ACYP2: variants seen among roughly 807,000 people sequenced by gnomAD.
ACYP2 encodes acylphosphatase 2, also known as acylphosphatase-2.
A neutral mutation model predicts 11.2 loss-of-function variants in ACYP2; 12 were observed. That is an observed-to-expected ratio of 1.08 (90% CI 0.69 to 1.74). The LOEUF (loss-of-function observed/expected upper bound fraction) is 1.74, where lower values mean the gene tolerates loss of function less well. ACYP2 is among the 40% of genes most tolerant of loss of function. ACYP2 has a pLI of 0.00. For synonymous variants in ACYP2, 43 were observed against 32.2 expected, an observed-to-expected ratio of 1.33 and a Z score of -1.13; for missense variants, 134 against 101.9, an observed-to-expected ratio of 1.31 and a Z score of -1.35.
intron 4 of ACYP2, 85 bp from the exon 1 acceptor site, chr2:54,115,530 A>G: frequency 2.0e-6 from 3 of 1,493,370 alleles, no homozygotes; most frequent in Non-Finnish European, 2.7e-6. Context: ...CAGGCCCCGC[A>G]GTCTCATTTG....
chr2:54,088,071 C>T (rs1261210573), intron 4 of ACYP2, among the ~76,000 whole-genome samples: 1 of 152,166 alleles, frequency 6.6e-6, no homozygotes, highest in Non-Finnish European at 1.5e-5. Context: ...TACATGGCCC[C>T]TGCAGCTGGG....
chr2:54,017,318 C>T (rs916556901), intron 2 of ACYP2, among the ~76,000 whole-genome samples: 4 of 145,712 alleles, frequency 2.7e-5, no homozygotes, highest in Admixed American at 7.0e-5. Context: ...TGCAGTGGCA[C>T]CATCTCAGTT....
chr2:54,096,099 G>T (rs1678552530), intron 4 of ACYP2, among the ~76,000 whole-genome samples: 1 of 138,206 alleles, frequency 7.2e-6, no homozygotes, highest in Non-Finnish European at 1.6e-5. Context: ...GGGCGGAGAC[G>T]CTCCTCACTT....
At chr2:54,115,190 CTTCA>C (rs1679679481) in intron 4 of ACYP2, among the ~76,000 whole-genome samples, 1 of 152,078 alleles carries the variant, frequency 6.6e-6, no homozygotes, top group Non-Finnish European at 1.5e-5. Context: ...TAAATGTTCT[CTTCA>C]TTAAAAAATG....
At chr2:54,263,539 G>T (rs573674543) in intron 6 of ACYP2, among the ~76,000 whole-genome samples, 2 of 152,132 alleles carry the variant, frequency 1.3e-5, no homozygotes, top group Admixed American at 6.5e-5. Flanking sequence ...TGGGAGGATC[G>T]CTTGAGCCCA....
At chr2:54,286,925 C>T (rs926822943) in intron 6 of ACYP2, among the ~76,000 whole-genome samples, 4 of 151,946 alleles carry the variant, frequency 2.6e-5, no homozygotes, top group Non-Finnish European at 4.4e-5. Flanking sequence ...TAAAAAGCTC[C>T]GTAAGTATTT....
intron 4 of ACYP2, among the ~76,000 whole-genome samples, chr2:54,090,310 T>G (rs1401324793): frequency 6.6e-6 from 1 of 151,960 alleles, no homozygotes; most frequent in African/African-American, 2.4e-5. Flanking sequence ...TCTTTTGCCA[T>G]GAAACTGGGC....
chr2:54,137,505 C>T (rs1366748235), intron 5 of ACYP2, among the ~76,000 whole-genome samples: 2 of 152,138 alleles, frequency 1.3e-5, no homozygotes, highest in Non-Finnish European at 2.9e-5. Context: ...CATAATTTAG[C>T]TCCCACTTCT....
At chr2:54,227,047 T>C (rs968508673) in intron 6 of ACYP2, among the ~76,000 whole-genome samples, 3 of 152,226 alleles carry the variant, frequency 2.0e-5, no homozygotes, top group Non-Finnish European at 4.4e-5. Flanking sequence ...TCTGAAGACG[T>C]ATCTGCAAGC....
chr2:54,173,912 C>T (rs1050446882), intron 6 of ACYP2, among the ~76,000 whole-genome samples: 1 of 152,156 alleles, frequency 6.6e-6, no homozygotes, highest in African/African-American at 2.4e-5. Flanking sequence ...GGTACCAGTA[C>T]CATGCTGTTT....
intron 4 of ACYP2, among the ~76,000 whole-genome samples, chr2:54,117,470 AT>A (rs573360593): frequency 0.014 from 2,172 of 152,078 alleles, 44 homozygotes; most frequent in African/African-American, 0.047. Flanking sequence ...AATTTTTAAA[AT>A]TTTTTTGTAG....
At chr2:54,015,029 C>G (rs567953087) in intron 2 of ACYP2, among the ~76,000 whole-genome samples, 1 of 152,238 alleles carries the variant, frequency 6.6e-6, no homozygotes, top group Admixed American at 6.5e-5. Context: ...AAAGTGGGGT[C>G]TGGGGAGCAG....
chr2:54,091,130 A>G lies in ACYP2; in HGVS notation c.277+33770A>G, dbSNP rs558456638. 1.5e-4 allele frequency among the ~76,000 whole-genome samples: 23 copies of G among 152,358 alleles called. No homozygotes were observed. The South Asian group carries it at 4.8e-3, about 32-fold the overall frequency. ...TTAAAAGGACAAAAGGGGTTATTTT[A>G]TGTCTTAACTCAACATTTCAAAGCA... On this transcript the variant is annotated intron_variant, in intron 4 of 6. Transcript: ENST00000607452.
chr2:54,123,006 G>A (rs1303166630), intron 4 of ACYP2, among the ~76,000 whole-genome samples: 1 of 152,136 alleles, frequency 6.6e-6, no homozygotes, highest in Non-Finnish European at 1.5e-5. Flanking sequence ...TCAGGCACAG[G>A]GAGGCTACTC....
intron 6 of ACYP2, among the ~76,000 whole-genome samples, chr2:54,215,321 G>A (rs1440740360): frequency 1.3e-5 from 2 of 152,144 alleles, no homozygotes; most frequent in Non-Finnish European, 2.9e-5. Flanking sequence ...TCCTTGTCTT[G>A]TGCCAGTCTT....
intron 4 of ACYP2, among the ~76,000 whole-genome samples, chr2:54,068,621 G>T (rs1320993438): frequency 6.6e-6 from 1 of 152,166 alleles, no homozygotes; most frequent in Non-Finnish European, 1.5e-5. Flanking sequence ...AATTTCTGTT[G>T]TTGGATATTA....
At chr2:54,009,416 A>G (rs761599371) in intron 2 of ACYP2, among the ~76,000 whole-genome samples, 13 of 151,398 alleles carry the variant, frequency 8.6e-5, no homozygotes, top group Non-Finnish European at 1.2e-4. Flanking sequence ...AAACAAACAA[A>G]CAAACAAATT....
At chr2:54,090,863 C>T (rs1230273717) in intron 4 of ACYP2, among the ~76,000 whole-genome samples, 4 of 152,188 alleles carry the variant, frequency 2.6e-5, no homozygotes, top group Non-Finnish European at 5.9e-5. Flanking sequence ...ATCTGTTAGG[C>T]AGCACTTGCA....
intron 2 of ACYP2, among the ~76,000 whole-genome samples, chr2:53,976,765 G>A (rs572664193): frequency 6.6e-6 from 1 of 152,136 alleles, no homozygotes; most frequent in Non-Finnish European, 1.5e-5. Context: ...ATTTGAACTA[G>A]AGTATATGTG....
Sources: allele counts gnomAD v4.1 joint callset (sites outside exome capture counted in the v4.1 genomes callset), GRCh38; gene constraint gnomAD v4.1.1; transcripts MANE v1.5; gene names NCBI Gene and HGNC (gene_info 2026-07-23, HGNC 2026-07-21).